Variants in SIL1 observed in about 807,000 individuals in gnomAD.
SIL1 encodes the protein nucleotide exchange factor SIL1.
In SIL1, 40 loss-of-function variants were observed where a neutral mutation model predicts 49.1. The ratio of observed to expected loss-of-function variants is 0.81; its 90% CI spans 0.63 to 1.06. The LOEUF (loss-of-function observed/expected upper bound fraction) is 1.06. Among genes scored for constraint, SIL1 ranks in the 50% least tolerant of loss-of-function variants. SIL1 has a pLI of 0.00. For synonymous variants in SIL1, 253 were observed against 250.8 expected, an observed-to-expected ratio of 1.01 and a Z score of -0.08; for missense variants, 500 against 572.6, an observed-to-expected ratio of 0.87 and a Z score of 1.29.
chr5:138,961,134 A>T (rs1274085293), intron 7 of SIL1, among the ~76,000 whole-genome samples: 1 of 152,216 alleles, frequency 6.6e-6, no homozygotes, highest in Non-Finnish European at 1.5e-5. Flanking sequence ...TCTTTTCTTT[A>T]AAAATACTCT....
At chr5:139,108,797 C>G (rs1430693758) in intron 3 of SIL1, among the ~76,000 whole-genome samples, 1 of 152,022 alleles carries the variant, frequency 6.6e-6, no homozygotes, top group Non-Finnish European at 1.5e-5. Flanking sequence ...TCCCTGCCAC[C>G]TGCCAGTCAG....
At chr5:138,998,266 A>G in intron 7 of SIL1, among the ~76,000 whole-genome samples, 1 of 151,840 alleles carries the variant, frequency 6.6e-6, no homozygotes, top group South Asian at 2.1e-4. Flanking sequence ...TGAGGCTTCA[A>G]CCTCCCCAGG....
intron 5 of SIL1, among the ~76,000 whole-genome samples, chr5:139,039,238 G>A (rs1372365825): frequency 6.6e-6 from 1 of 152,176 alleles, no homozygotes; most frequent in East Asian, 1.9e-4. Context: ...GCAGACGTGA[G>A]TTCAGGCCGT....
At chr5:139,116,393 A>AT (rs1240824608) in intron 3 of SIL1, among the ~76,000 whole-genome samples, 3 of 152,048 alleles carry the variant, frequency 2.0e-5, no homozygotes, top group Non-Finnish European at 1.5e-5. Context: ...CTTTGTGCTA[A>AT]TGCCAATATT....
chr5:139,166,969 C>T (rs1751636401), intron 1 of SIL1, among the ~76,000 whole-genome samples: 3 of 152,224 alleles, frequency 2.0e-5, no homozygotes, highest in Non-Finnish European at 2.9e-5. Context: ...CCACCACGCC[C>T]GGCTAATTAT....
intron 1 of SIL1, among the ~76,000 whole-genome samples, chr5:139,177,056 C>T (rs547660779): frequency 6.6e-6 from 1 of 151,360 alleles, no homozygotes; most frequent in Admixed American, 6.6e-5. Flanking sequence ...CCTCAGCCTC[C>T]CGAGTAGCTG....
At chr5:139,091,322 G>A (rs191779137) in intron 3 of SIL1, among the ~76,000 whole-genome samples, 36 of 152,034 alleles carry the variant, frequency 2.4e-4, no homozygotes, top group Non-Finnish European at 3.7e-4. Flanking sequence ...ATCATAGAGT[G>A]TTAATATCCC....
chr5:139,060,279 T>G lies in SIL1; in HGVS notation c.245-9233A>C, dbSNP rs184081978. Among the ~76,000 whole-genome samples, 616 of 149,968 alleles carry G rather than the reference T, an allele frequency of 4.1e-3. 7 individuals are homozygous for G. The highest frequency in any genetic ancestry group is 0.014 in the African/African-American group (584 of 40,706). On this transcript the variant is annotated intron_variant, in intron 3 of 9. Coordinates refer to ENST00000394817, the MANE Select transcript of SIL1 (RefSeq NM_022464.5). ...TCTGTTCTCTTACATACTTTTTTTT[T>G]GTATAGTTACTGTTTTTTTAAGCCA...
chr5:139,160,571 G>A (rs1561884948), intron 1 of SIL1, among the ~76,000 whole-genome samples: 1 of 152,224 alleles, frequency 6.6e-6, no homozygotes, highest in Non-Finnish European at 1.5e-5. Context: ...AGGTGTCGTG[G>A]CTCATGCCTA....
chr5:139,074,936 T>C (rs1769914732), intron 3 of SIL1, among the ~76,000 whole-genome samples: 2 of 152,272 alleles, frequency 1.3e-5, no homozygotes, highest in South Asian at 2.1e-4. Context: ...GCGATTCTCC[T>C]GCCTCAGCCT....
At chr5:138,992,766 T>A (rs931998767) in intron 7 of SIL1, among the ~76,000 whole-genome samples, 1 of 152,100 alleles carries the variant, frequency 6.6e-6, no homozygotes, top group African/African-American at 2.4e-5. Flanking sequence ...TTGGGTATAG[T>A]GTACACTGTT....
chr5:139,006,674 A>G (rs1408270871), intron 7 of SIL1, among the ~76,000 whole-genome samples: 2 of 150,958 alleles, frequency 1.3e-5, no homozygotes, highest in African/African-American at 4.9e-5. Context: ...AGCTTTCTAC[A>G]TATGGCTAGC....
chr5:139,110,294 T>C (rs1172622791), intron 3 of SIL1, among the ~76,000 whole-genome samples: 1 of 152,070 alleles, frequency 6.6e-6, no homozygotes. Context: ...GGGTCGTTTC[T>C]TTTTTCCCCT....
chr5:139,056,800 A>AC (rs1442013417), intron 3 of SIL1, among the ~76,000 whole-genome samples: 1 of 150,982 alleles, frequency 6.6e-6, no homozygotes, highest in Non-Finnish European at 1.5e-5. Context: ...CCCGGCCACC[A>AC]CCCCGTCTGG....
intron 7 of SIL1, among the ~76,000 whole-genome samples, chr5:139,011,920 C>A (rs942372303): frequency 9.2e-5 from 14 of 152,270 alleles, no homozygotes; most frequent in South Asian, 6.2e-4. Flanking sequence ...GTATAATAAT[C>A]CCCATGGACT....
At chr5:138,979,200 G>A (rs1034679990) in intron 7 of SIL1, among the ~76,000 whole-genome samples, 2 of 151,994 alleles carry the variant, frequency 1.3e-5, no homozygotes, top group African/African-American at 2.4e-5. Flanking sequence ...AAGTAGCTGG[G>A]ATAACAGGAG....
chr5:139,078,947 C>T (rs1770010782), intron 3 of SIL1, among the ~76,000 whole-genome samples: 1 of 152,232 alleles, frequency 6.6e-6, no homozygotes, highest in Non-Finnish European at 1.5e-5. Flanking sequence ...TATATCTATG[C>T]TGGCCCTTAC....
chr5:139,112,531 G>GCCA (rs1770881410), intron 3 of SIL1, among the ~76,000 whole-genome samples: 1 of 149,912 alleles, frequency 6.7e-6, no homozygotes. Context: ...CCTCTGCCCG[G>GCCA]CCGCCCCGTC....
chr5:138,949,082 G>T (rs1766703185), intron 9 of SIL1, among the ~76,000 whole-genome samples: 1 of 152,246 alleles, frequency 6.6e-6, no homozygotes, highest in Admixed American at 6.5e-5. Flanking sequence ...GGAATTCTCT[G>T]ATAAACATCT....
Sources: gnomAD v4.1 joint callset for allele counts (sites outside exome capture counted in the v4.1 genomes callset) on GRCh38, gnomAD v4.1.1 for gene constraint, MANE v1.5 for transcripts, NCBI Gene and HGNC (gene_info 2026-07-23, HGNC 2026-07-21) for gene names.